Variants in KCNG3 observed in about 807,000 individuals in gnomAD.
KCNG3 encodes the protein voltage-gated potassium channel regulatory subunit KCNG3.
A neutral mutation model predicts 29.0 loss-of-function variants in KCNG3; 15 were observed. The observed-to-expected ratio is 0.52, with a 90% CI of 0.35 to 0.80. KCNG3 has a LOEUF of 0.80. KCNG3 is among the 30% of genes least tolerant of loss of function. KCNG3 has a pLI of 0.01. For synonymous variants in KCNG3, 322 were observed against 248.9 expected (o/e 1.29, Z -2.76); for missense variants, 512 against 605.7 (o/e 0.85, Z 1.62).
chr2:42,478,270 A>G (rs1028725245), intron 1 of KCNG3, among the ~76,000 whole-genome samples: 1 of 152,066 alleles, frequency 6.6e-6, no homozygotes, highest in Non-Finnish European at 1.5e-5. Context: ...GGGTCTCACT[A>G]TGTTGCCCAG....
At chr2:42,423,828 T>A in the KCNG3 span, among the ~76,000 whole-genome samples, 1 of 151,056 alleles carries the variant, frequency 6.6e-6, no homozygotes. Context: ...AAGCAGATGA[T>A]GACAGTAACT....
In KCNG3 at chr2:42,493,303, A is replaced by G. The variant is rs1371709277; in HGVS notation, c.199T>C (p.Ser67Pro). Reference sequence around the variant, plus strand: ...AGCAGGATGAAGCCGAAGGCCTCCGAGTGCCGGTCGAAGAAGTACTCGTTG... The same window carrying G: ...AGCAGGATGAAGCCGAAGGCCTCCGGGTGCCGGTCGAAGAAGTACTCGTTG... ...ERNEYFFDRH[S>P]EAFGFILLYV... Residue 67 changes from serine (S) to proline (P), a missense_variant, in exon 1 of 2, where the codon TCG (serine) becomes CCG (proline). Physicochemically the swap from Ser to Pro is moderately conservative, Grantham distance 74. Transcript: ENST00000306078. The G allele has an allele frequency of 5.0e-6, 8 of 1,611,180 alleles. No individual in the cohort carries two copies. The highest frequency in any genetic ancestry group is 1.1e-5 in the South Asian group (1 of 90,810).
At chr2:42,466,753 C>CCTTTTTTTTTTTT (rs1553329191) in intron 1 of KCNG3, among the ~76,000 whole-genome samples, 1 of 134,270 alleles carries the variant, frequency 7.4e-6, no homozygotes, top group Non-Finnish European at 1.6e-5. Context: ...AATACTCTTC[C>CCTTTTTTTTTTTT]TTTTTTTTTT....
chr2:42,484,090 G>C (rs566474588), intron 1 of KCNG3, among the ~76,000 whole-genome samples: 19 of 152,146 alleles, frequency 1.2e-4, no homozygotes, highest in Non-Finnish European at 2.1e-4. Flanking sequence ...GGCATGAAAA[G>C]AGTTTCAAAA....
At chr2:42,440,445 T>C (rs1874449), downstream of KCNG3, 7 of 150,038 alleles carry the variant, frequency 4.7e-5, no homozygotes, top group Non-Finnish European at 1.0e-4. Context: ...CTTTAATATT[T>C]CAAATATTGT....
chr2:42,439,672 G>T (rs528536832), downstream of KCNG3, among the ~76,000 whole-genome samples: 18 of 150,462 alleles, frequency 1.2e-4, no homozygotes, highest in Non-Finnish European at 2.1e-4. Context: ...TTGAGACGGA[G>T]TTTCACTTTT....
the KCNG3 span, among the ~76,000 whole-genome samples, chr2:42,401,303 C>T: frequency 0.025 from 3,690 of 150,040 alleles, 508 homozygotes; most frequent in Admixed American, 0.22. Flanking sequence ...GAAAACAATA[C>T]ATTTAATATC....
At chr2:42,392,809 T>C in the KCNG3 span, among the ~76,000 whole-genome samples, 1 of 151,844 alleles carries the variant, frequency 6.6e-6, no homozygotes, top group East Asian at 1.9e-4. Context: ...CTTTTGAGAG[T>C]CCTGGGGATC....
In KCNG3 at chr2:42,493,642, C is replaced by T. The variant is rs1307743413; in HGVS notation, c.-141G>A. ...CGCTCCCTCGGGGCTCCGCTCCTGC[C>T]CTCCGCTGGCCCGGGGGTCCCTGGG... On this transcript the variant is annotated 5_prime_UTR_variant, in exon 1 of 2. Coordinates refer to ENST00000306078, the MANE Select transcript of KCNG3 (RefSeq NM_133329.6). 1.6e-6 allele frequency: 1 copy of T among 637,796 alleles called. No individual in the cohort carries two copies. Among genetic ancestry groups the T allele is most frequent in the Non-Finnish European group, 2.2e-6 (1 of 452,208 alleles). The allele number at this position is 637,796 out of a possible 1,614,324, so 39.5% of individuals were successfully genotyped here.
chr2:42,492,369 C>A (rs1306463429), intron 1 of KCNG3, among the ~76,000 whole-genome samples: 1 of 152,192 alleles, frequency 6.6e-6, no homozygotes, highest in Non-Finnish European at 1.5e-5. Flanking sequence ...ATGCCGGGGG[C>A]AGAGTGTATA....
chr2:42,433,080 A>C, the KCNG3 span, among the ~76,000 whole-genome samples: 1 of 152,200 alleles, frequency 6.6e-6, no homozygotes, highest in Non-Finnish European at 1.5e-5. Flanking sequence ...TTTTCCCCCA[A>C]GATCAGGAAT....
chr2:42,466,434 G>T (rs914727206), intron 1 of KCNG3, among the ~76,000 whole-genome samples: 1 of 152,024 alleles, frequency 6.6e-6, no homozygotes, highest in Non-Finnish European at 1.5e-5. Flanking sequence ...AAACAAAAAC[G>T]AAATACAATA....
the KCNG3 span, among the ~76,000 whole-genome samples, chr2:42,424,355 T>A: frequency 6.6e-6 from 1 of 151,830 alleles, no homozygotes; most frequent in East Asian, 1.9e-4. Context: ...CTGACTGGTA[T>A]ATCCATCACC....
intron 1 of KCNG3, among the ~76,000 whole-genome samples, chr2:42,485,513 C>T (rs569958216): frequency 1.8e-4 from 28 of 151,774 alleles, no homozygotes; most frequent in South Asian, 1.0e-3. Flanking sequence ...AGTGTTATCT[C>T]GGCTCACCGC....
chr2:42,422,679 C>T, the KCNG3 span, among the ~76,000 whole-genome samples: 92,740 of 151,902 alleles, frequency 0.61, 28,869 homozygotes, highest in East Asian at 0.73. Flanking sequence ...ATGAGGACTC[C>T]ATAGTAGGAG....
chr2:42,480,744 T>A (rs887980492), intron 1 of KCNG3, among the ~76,000 whole-genome samples: 1 of 146,870 alleles, frequency 6.8e-6, no homozygotes, highest in East Asian at 2.0e-4. Context: ...AGGCAGCATA[T>A]TGAAACCCCA....
At chr2:42,435,854 A>T in the KCNG3 span, among the ~76,000 whole-genome samples, 5 of 152,376 alleles carry the variant, frequency 3.3e-5, no homozygotes, top group East Asian at 9.6e-4. Context: ...AAAGTTAAAC[A>T]TTAGCATCTA....
chr2:42,451,786 G>C (rs1672760873), intron 1 of KCNG3, among the ~76,000 whole-genome samples: 1 of 151,896 alleles, frequency 6.6e-6, no homozygotes, highest in African/African-American at 2.4e-5. Context: ...TGTAGTCCTA[G>C]CTACTTGGGA....
downstream of KCNG3, among the ~76,000 whole-genome samples, chr2:42,439,998 A>G (rs1672439843): frequency 6.6e-6 from 1 of 152,184 alleles, no homozygotes; most frequent in Non-Finnish European, 1.5e-5. Flanking sequence ...AAGATTCTTA[A>G]AGGAAGTATA....
Sources: allele counts gnomAD v4.1 joint callset (sites outside exome capture counted in the v4.1 genomes callset), GRCh38; gene constraint gnomAD v4.1.1; transcripts MANE v1.5; gene names NCBI Gene and HGNC (gene_info 2026-07-23, HGNC 2026-07-21).